RARB: variants seen among roughly 807,000 people sequenced by gnomAD.
RARB encodes the protein HBV-activated protein.
RARB carries 17 observed loss-of-function variants against 51.9 expected under a neutral mutation model. That is an observed-to-expected ratio of 0.33 (90% CI 0.22 to 0.49). RARB has a LOEUF of 0.49. RARB is among the 20% of genes least tolerant of loss of function. RARB has a pLI of 0.99. For synonymous variants in RARB, 215 were observed against 195.4 expected (o/e 1.10, Z -0.84); for missense variants, 369 against 550.8 (o/e 0.67, Z 3.30).
chr3:25,265,173 G>C (rs756608677), intron 5 of RARB, among the ~76,000 whole-genome samples: 1 of 152,132 alleles, frequency 6.6e-6, no homozygotes, highest in Non-Finnish European at 1.5e-5. Flanking sequence ...AATGGACTAA[G>C]AGTAATAGCT....
intron 5 of RARB, among the ~76,000 whole-genome samples, chr3:25,285,867 C>G (rs972123465): frequency 6.6e-6 from 1 of 152,150 alleles, no homozygotes; most frequent in Non-Finnish European, 1.5e-5. Context: ...TTCTCTGTCT[C>G]CATCTGGTTG....
chr3:25,434,912 C>T (rs1708369308), intron 1 of RARB, among the ~76,000 whole-genome samples: 2 of 152,130 alleles, frequency 1.3e-5, no homozygotes, highest in Admixed American at 6.5e-5. Flanking sequence ...AAAGCCATTT[C>T]ATTTGCTACC....
At chr3:24,897,722 G>A (rs1341483521) in intron 2 of RARB, among the ~76,000 whole-genome samples, 1 of 147,832 alleles carries the variant, frequency 6.8e-6, no homozygotes, top group South Asian at 2.1e-4. Flanking sequence ...AACCATCACA[G>A]TATTTTCCAT....
chr3:24,912,053 T>G (rs1028680291), intron 2 of RARB, among the ~76,000 whole-genome samples: 1 of 152,148 alleles, frequency 6.6e-6, no homozygotes, highest in Non-Finnish European at 1.5e-5. Flanking sequence ...TTAGCGACAT[T>G]TACTTATGCA....
intron 5 of RARB, among the ~76,000 whole-genome samples, chr3:25,312,618 A>G (rs1704317137): frequency 6.6e-6 from 1 of 152,250 alleles, no homozygotes; most frequent in Admixed American, 6.5e-5. Flanking sequence ...AGCCTGAGAT[A>G]ATAATGCAGC....
intron 2 of RARB, among the ~76,000 whole-genome samples, chr3:24,910,337 G>A (rs761237903): frequency 1.1e-4 from 17 of 152,010 alleles, no homozygotes; most frequent in Non-Finnish European, 2.1e-4. Context: ...GTTCAGTCCC[G>A]CTAATACTAA....
chr3:25,205,308 C>T (rs1701510342), intron 5 of RARB, among the ~76,000 whole-genome samples: 1 of 152,172 alleles, frequency 6.6e-6, no homozygotes, highest in South Asian at 2.1e-4. Flanking sequence ...ACCCGATTTT[C>T]CAGGTGCTGC....
intron 4 of RARB, among the ~76,000 whole-genome samples, chr3:25,579,875 G>C (rs1158352775): frequency 6.6e-6 from 1 of 152,158 alleles, no homozygotes; most frequent in Non-Finnish European, 1.5e-5. Context: ...TTTCCATCAG[G>C]ACATCAGCAT....
At chr3:25,247,710 C>A (rs1702600020) in intron 5 of RARB, among the ~76,000 whole-genome samples, 1 of 152,232 alleles carries the variant, frequency 6.6e-6, no homozygotes, top group Non-Finnish European at 1.5e-5. Flanking sequence ...ATGCAGAAAT[C>A]ACCCGCCTTC....
intron 4 of RARB, among the ~76,000 whole-genome samples, chr3:25,571,007 G>A (rs1287258919): frequency 6.6e-6 from 1 of 151,908 alleles, no homozygotes; most frequent in East Asian, 1.9e-4. Flanking sequence ...GGGGTGTAGT[G>A]CGCTAGGATG....
intron 5 of RARB, among the ~76,000 whole-genome samples, chr3:25,269,995 G>A (rs1703216995): frequency 6.6e-6 from 1 of 152,072 alleles, no homozygotes; most frequent in South Asian, 2.1e-4. Context: ...ATTATTTGGG[G>A]GGCAAAAAGA....
At chr3:24,860,637 T>G (rs1476883078) in intron 2 of RARB, among the ~76,000 whole-genome samples, 1 of 152,166 alleles carries the variant, frequency 6.6e-6, no homozygotes, top group Non-Finnish European at 1.5e-5. Context: ...AAAAAAACCC[T>G]TTACAGAAGA....
intron 5 of RARB, among the ~76,000 whole-genome samples, chr3:25,584,571 G>A (rs538749550): frequency 1.3e-5 from 2 of 152,268 alleles, no homozygotes; most frequent in Admixed American, 6.5e-5. Flanking sequence ...AAAGGCCCTG[G>A]GGCAGAGGAA....
chr3:25,525,194 G>A (rs1295172704), intron 3 of RARB, among the ~76,000 whole-genome samples: 1 of 152,120 alleles, frequency 6.6e-6, no homozygotes, highest in East Asian at 1.9e-4. Flanking sequence ...GGGGAAAATA[G>A]AACACTCAAA....
intron 3 of RARB, among the ~76,000 whole-genome samples, chr3:25,511,675 T>G (rs982590380): frequency 1.3e-5 from 2 of 152,054 alleles, no homozygotes; most frequent in Non-Finnish European, 2.9e-5. Flanking sequence ...AGAAGCAGAG[T>G]CTGCAGCTGT....
At chr3:24,959,507 A>G (rs1696092634) in intron 2 of RARB, among the ~76,000 whole-genome samples, 1 of 152,116 alleles carries the variant, frequency 6.6e-6, no homozygotes, top group Non-Finnish European at 1.5e-5. Context: ...TCGATATAGC[A>G]TGGAGTGGGG....
At chr3:24,831,309 T>C (rs1702278069) in intron 1 of RARB, among the ~76,000 whole-genome samples, 1 of 152,194 alleles carries the variant, frequency 6.6e-6, no homozygotes, top group African/African-American at 2.4e-5. Flanking sequence ...CACATAACAA[T>C]TGATGGTATG....
intron 1 of RARB, among the ~76,000 whole-genome samples, chr3:24,854,266 G>A (rs1156972346): frequency 1.3e-5 from 2 of 152,156 alleles, no homozygotes. Context: ...AGGACTAGAA[G>A]GCATCTGAAA....
rs372778985 is a variant in RARB, at chr3:25,337,813, CTT to C, written c.179-123379_179-123378del. ...ATGTACATTCCAGGAGTATACGTTT[CTT>C]GTTTGCCCTCTTCCCTGTCTACATC... On this transcript the variant is annotated intron_variant, in intron 5 of 11. Coordinates refer to the RARB transcript ENST00000383772. 3.4e-3 allele frequency among the ~76,000 whole-genome samples: 521 copies of C among 152,132 alleles called. 2 individuals carry two copies. The highest frequency in any genetic ancestry group is 0.012 in the African/African-American group (500 of 41,510).
Sources: gnomAD v4.1 joint callset for allele counts (sites outside exome capture counted in the v4.1 genomes callset) on GRCh38, gnomAD v4.1.1 for gene constraint, MANE v1.5 for transcripts, NCBI Gene and HGNC (gene_info 2026-07-23, HGNC 2026-07-21) for gene names.